Variants in DNAH5 observed in about 807,000 individuals in gnomAD.
The protein encoded by DNAH5 is axonemal beta dynein heavy chain 5.
DNAH5 carries 372 observed loss-of-function variants against 518.2 expected under a neutral mutation model. The observed-to-expected ratio is 0.72, with a 90% CI of 0.66 to 0.78. The LOEUF (loss-of-function observed/expected upper bound fraction) is 0.78, where lower values mean the gene tolerates loss of function less well. Among genes scored for constraint, DNAH5 ranks in the 30% least tolerant of loss-of-function variants. The pLI is 0.00. For missense variants in DNAH5, 5,523 were observed against 5,687.0 expected (o/e 0.97, Z 0.93); for synonymous variants, 2,039 against 2,025.9 (o/e 1.01, Z -0.17).
Position 13,798,502 on chromosome 5 carries a change from T to C in DNAH5, c.7888-4444A>G, listed in dbSNP as rs559449960. 3.3e-5 allele frequency among the ~76,000 whole-genome samples: 5 copies of C among 152,268 alleles called. No individual in the cohort carries two copies. The East Asian group carries it at 9.6e-4, about 29-fold the overall frequency. On this transcript the variant is annotated intron_variant, in intron 47 of 78. Transcript: ENST00000265104. ...TGATTTTAAATCATGTTAAAGATGT[T>C]GTATAAATACAGAAGAAAGTGGAGG... is the stretch of plus-strand genomic sequence containing the variant.
chr5:13,808,426 C>T (rs78903137), intron 46 of DNAH5, among the ~76,000 whole-genome samples: 3,201 of 152,092 alleles, frequency 0.021, 98 homozygotes, highest in African/African-American at 0.07. Context: ...ACCTAGGCTG[C>T]GGTATTTGGT....
intron 35 of DNAH5, among the ~76,000 whole-genome samples, chr5:13,831,454 C>T (rs906839976): frequency 1.3e-5 from 2 of 152,152 alleles, no homozygotes; most frequent in African/African-American, 4.8e-5. Context: ...CCAAAGGAGA[C>T]AAATTATAAA....
At chr5:13,716,224 C>T (rs1391551371) in intron 74 of DNAH5, among the ~76,000 whole-genome samples, 2 of 152,024 alleles carry the variant, frequency 1.3e-5, no homozygotes, top group Non-Finnish European at 2.9e-5. Context: ...CTATCATCTT[C>T]CTCAAAGAAA....
intron 65 of DNAH5, among the ~76,000 whole-genome samples, chr5:13,745,532 G>A (rs370814599): frequency 2.0e-4 from 30 of 152,104 alleles, no homozygotes; most frequent in African/African-American, 5.3e-4. Context: ...CATGAGACCC[G>A]ATTATGTGTG....
At chr5:13,770,629 C>T in intron 56 of DNAH5, 120 bp downstream of exon 56, 1 of 862,930 alleles carries the variant, frequency 1.2e-6, no homozygotes, top group Non-Finnish European at 1.9e-6. Context: ...CCCTGCCCTG[C>T]CGCCACAGCT....
chr5:13,771,377 A>C (rs937809404), intron 55 of DNAH5: 5 of 250,438 alleles, frequency 2.0e-5, no homozygotes, highest in Non-Finnish European at 3.9e-5. Context: ...TGTCACTCAG[A>C]ACCTATCACA....
chr5:13,786,689 C>T (rs953822182), intron 51 of DNAH5, among the ~76,000 whole-genome samples: 3 of 151,966 alleles, frequency 2.0e-5, no homozygotes, highest in African/African-American at 7.3e-5. Flanking sequence ...TCAGAATCAG[C>T]AAGGGAGGTC....
chr5:14,007,495 T>G (rs1169492845), intron 1 of DNAH5, among the ~76,000 whole-genome samples: 1 of 152,242 alleles, frequency 6.6e-6, no homozygotes, highest in Non-Finnish European at 1.5e-5. Context: ...ATATTCTGAC[T>G]CTTCATGTTA....
At chr5:13,968,601 T>C (rs1313341583) in intron 1 of DNAH5, among the ~76,000 whole-genome samples, 1 of 152,252 alleles carries the variant, frequency 6.6e-6, no homozygotes, top group Non-Finnish European at 1.5e-5. Context: ...ATTCTGCTTA[T>C]GTGGTATATC....
intron 15 of DNAH5, chr5:13,897,441 C>T (rs540514276): frequency 1.3e-5 from 2 of 152,188 alleles, no homozygotes; most frequent in African/African-American, 4.8e-5. Context: ...AAGGTGAAGT[C>T]ATTTACCCAA....
chr5:13,810,131 T>A lies in DNAH5; in HGVS notation c.7537A>T (p.Thr2513Ser), dbSNP rs376433526. The A allele has an allele frequency of 1.3e-6, 2 of 1,549,790 alleles. No individual in the cohort carries two copies. Among genetic ancestry groups the A allele is most frequent in the Admixed American group, 3.9e-5 (2 of 51,108 alleles). ...RLELWLRSRPTGTLELPPPAG... is the reference protein window; with the variant it reads ...RLELWLRSRPSGTLELPPPAG... ...GGCGGCGGCAGCTCCAGCGTCCCTG[T>A]GGGCCGAGAGCGCAGCCAGAGCTCC... The change falls in exon 45 of 79, where the codon ACA becomes TCA. Residue 2513 changes from threonine to serine, a missense_variant. This residue lies in a region of DNAH5 where 5,121 missense variants were observed against 5,223.3 expected (regional missense o/e 0.98). Transcript: ENST00000265104.
At chr5:13,918,195 T>C (rs1167256408) in intron 7 of DNAH5, among the ~76,000 whole-genome samples, 1 of 152,190 alleles carries the variant, frequency 6.6e-6, no homozygotes, top group Non-Finnish European at 1.5e-5. Context: ...ACTTGCTCCC[T>C]TTAAGGGAAG....
intron 10 of DNAH5, 112 bp from the exon 11 acceptor site, chr5:13,914,070 T>C: frequency 5.4e-6 from 7 of 1,302,858 alleles, no homozygotes; most frequent in Non-Finnish European, 7.4e-6. Flanking sequence ...CTTTTCATAG[T>C]TTCATGCCTT....
At chr5:13,882,605 G>C in intron 21 of DNAH5, 123 bp downstream of exon 21, 3 of 797,696 alleles carry the variant, frequency 3.8e-6, no homozygotes, top group Non-Finnish European at 6.2e-6. Flanking sequence ...ACTTCAAATT[G>C]GCTCATAGAT....
At chr5:13,738,776 T>C (rs1012346533) in intron 65 of DNAH5, among the ~76,000 whole-genome samples, 3 of 152,024 alleles carry the variant, frequency 2.0e-5, no homozygotes, top group African/African-American at 7.3e-5. Context: ...AAATTGTACA[T>C]GGATATCAAC....
intron 30 of DNAH5, among the ~76,000 whole-genome samples, chr5:13,851,724 C>T (rs1215511629): frequency 6.6e-6 from 1 of 152,012 alleles, no homozygotes; most frequent in South Asian, 2.1e-4. Flanking sequence ...ATGAAAATTT[C>T]TAAGTCCAAT....
intron 70 of DNAH5, among the ~76,000 whole-genome samples, chr5:13,725,559 T>G (rs972754567): frequency 5.3e-5 from 8 of 152,230 alleles, no homozygotes; most frequent in African/African-American, 1.7e-4. Context: ...CTGCAGAACT[T>G]GTTCATCCCA....
rs1036022151 is a variant in DNAH5, at chr5:13,916,443, C to A, written c.1102G>T (p.Asp368Tyr). The stretch of plus-strand genomic sequence containing the variant: ...GCATTTATAAGTGTAGGAATAGCAT[C>A]CATCATGGATAGCTGAAAGATATCA... ...LYSSDPLSMM[D>Y]AIPTLINAIK... is the part of the protein sequence containing the mutation. Residue 368 changes from aspartate to tyrosine, a missense_variant, in exon 9 of 79, where the codon GAT becomes TAT. Asp to Tyr is a radical substitution (Grantham distance 160). Around this residue, in one of 3 missense-constraint regions of DNAH5, gnomAD observed 5,121 missense variants for 5,223.3 expected, o/e 0.98. Coordinates refer to ENST00000265104, the MANE Select transcript of DNAH5 (RefSeq NM_001369.3). 1.3e-6 allele frequency: 2 copies of A among 1,549,810 alleles called. No homozygotes were observed. The highest frequency in any genetic ancestry group is 1.8e-6 in the Non-Finnish European group (2 of 1,124,178).
At chr5:13,956,492 GTTA>G (rs1366248452) in intron 1 of DNAH5, among the ~76,000 whole-genome samples, 1 of 151,942 alleles carries the variant, frequency 6.6e-6, no homozygotes, top group African/African-American at 2.4e-5. Context: ...TCTCATTTTT[GTTA>G]TTGTCTTTTA....
Sources: gnomAD v4.1 joint callset for allele counts (sites outside exome capture counted in the v4.1 genomes callset) on GRCh38, gnomAD v4.1.1 for gene constraint, gnomAD v4.1.1 regional missense constraint, MANE v1.5 for transcripts, NCBI Gene and HGNC (gene_info 2026-07-23, HGNC 2026-07-21) for gene names.